Variants in MACF1 observed in about 807,000 individuals in gnomAD.
MACF1 encodes microtubule-actin cross-linking factor 1.
Under a neutral mutation model 854.8 loss-of-function variants are expected in MACF1, and 193 were observed. The ratio of observed to expected loss-of-function variants is 0.23; its 90% confidence interval spans 0.20 to 0.25. The LOEUF is 0.25. MACF1 is among the 10% of genes least tolerant of loss of function. The pLI, the probability that MACF1 is intolerant of heterozygous loss-of-function variation, is 1.00. For missense variants in MACF1, 7,722 were observed against 8,929.1 expected (o/e 0.86, Z 5.45); for synonymous variants, 3,185 against 3,226.7 (o/e 0.99, Z 0.44).
At chr1:39,238,768 C>T (rs868370709) in intron 2 of MACF1, among the ~76,000 whole-genome samples, 24 of 152,158 alleles carry the variant, frequency 1.6e-4, no homozygotes, top group African/African-American at 5.6e-4. Context: ...TCTTCCCAGG[C>T]CCCCAGCCTT....
intron 51 of MACF1, 92 bp from the exon 52 acceptor site, chr1:39,372,387 C>G: frequency 1.5e-6 from 1 of 679,646 alleles, no homozygotes; most frequent in Non-Finnish European, 2.6e-6. Context: ...TAATGCTTTT[C>G]AAAACACTAG....
At chr1:39,324,610 GT>G in intron 34 of MACF1, 35 bp from the exon 35 acceptor site, 1 of 1,532,458 alleles carries the variant, frequency 6.5e-7, no homozygotes, top group Non-Finnish European at 8.9e-7. Context: ...TAATTCTTGG[GT>G]TTTGAAGCTT....
chr1:39,146,197 C>T (rs1298062252), intron 2 of MACF1, among the ~76,000 whole-genome samples: 1 of 152,150 alleles, frequency 6.6e-6, no homozygotes, highest in Non-Finnish European at 1.5e-5. Flanking sequence ...AATCCCAGCA[C>T]TTAGGGAGGC....
intron 97 of MACF1, among the ~76,000 whole-genome samples, chr1:39,471,822 AT>A (rs77628042): frequency 0.16 from 24,212 of 149,890 alleles, 2,366 homozygotes; most frequent in Middle Eastern, 0.22. Context: ...AATAGAACTC[AT>A]TTTTTTTTTC....
intron 58 of MACF1, among the ~76,000 whole-genome samples, chr1:39,404,201 A>G (rs1212875977): frequency 1.3e-5 from 2 of 151,364 alleles, no homozygotes; most frequent in Admixed American, 1.3e-4. Context: ...ATAGAATAAA[A>G]CGGTTTTTTT....
At chr1:39,410,344 T>C in intron 58 of MACF1, 1 of 1,613,850 alleles carries the variant, frequency 6.2e-7, no homozygotes, top group Non-Finnish European at 8.5e-7. Flanking sequence ...GGAGGATGGC[T>C]ACATAGAGGA....
Position 39,333,651 on chromosome 1 carries a change from A to G in MACF1, c.7063A>G (p.Met2355Val), listed in dbSNP as rs1646765114. Residue 2355 changes from methionine to valine, a missense_variant, in exon 37 of 101, where the codon ATG (methionine) becomes GTG (valine). Met to Val is a conservative substitution (Grantham distance 21). Coordinates refer to ENST00000564288, the MANE Select transcript of MACF1 (RefSeq NM_001394062.1). ...TGAAGAAGTCATTAATGAAGGTCTG[A>G]TGGATGAGAAATTATTACATAATGT... ...TTEEVINEGL[M>V]DEKLLHNVLM... is the part of the protein sequence containing the mutation. The G allele has an allele frequency of 6.2e-7, 1 of 1,614,234 alleles. No homozygotes were observed.
At chr1:39,373,296 CAA>C (rs60109104) in intron 52 of MACF1, 21 of 120,226 alleles carry the variant, frequency 1.7e-4, no homozygotes, top group Non-Finnish European at 1.8e-4. Flanking sequence ...GACTCTGTCT[CAA>C]AAAAAAAAAA....
chr1:39,247,219 C>T (rs933052348), intron 2 of MACF1, among the ~76,000 whole-genome samples: 18 of 151,454 alleles, frequency 1.2e-4, no homozygotes, highest in African/African-American at 2.7e-4. Context: ...ACTACAGGCG[C>T]GCGCCACCAT....
intron 29 of MACF1, among the ~76,000 whole-genome samples, chr1:39,318,213 GAC>G (rs1646450086): frequency 6.6e-6 from 1 of 152,126 alleles, no homozygotes; most frequent in Non-Finnish European, 1.5e-5. Flanking sequence ...TGGGATGCTA[GAC>G]CACAAGGCAG....
intron 58 of MACF1, among the ~76,000 whole-genome samples, chr1:39,403,906 A>G (rs1472401089): frequency 1.3e-5 from 2 of 152,052 alleles, no homozygotes; most frequent in Non-Finnish European, 2.9e-5. Flanking sequence ...AGGCGGGCAG[A>G]TCACCTGAGG....
In MACF1 at chr1:39,474,097, A is replaced by G. The variant is rs1270332110; in HGVS notation, c.21958+4482A>G. Among the ~76,000 whole-genome samples the G allele has an allele frequency of 2.6e-5, 4 of 152,138 alleles. No individual in the cohort carries two copies. In the East Asian group the frequency reaches 5.8e-4, roughly 22 times the overall value. Reference sequence around the variant, plus strand: ...AGCAAGACCCCATCTCTGTTTTAAAATAAAATACAGGCCGGGTGCAGCAGC... The same window carrying G: ...AGCAAGACCCCATCTCTGTTTTAAAGTAAAATACAGGCCGGGTGCAGCAGC... On this transcript the variant is annotated intron_variant, in intron 97 of 100. Transcript: ENST00000564288.
At position 39,442,413 on chromosome 1, in the gene MACF1, A is replaced by G. The variant is rs771559704; in HGVS notation, c.18950A>G (p.His6317Arg). 2 of 1,612,896 alleles carry G rather than the reference A, an allele frequency of 1.2e-6. No individual in the cohort carries two copies. Among genetic ancestry groups the G allele is most frequent in the South Asian group, 1.1e-5 (1 of 90,880 alleles). Residue 6317 changes from histidine (H) to arginine (R), a missense_variant and splice_region_variant, in exon 77 of 101, where the codon CAC becomes CGC. This residue lies in a region of MACF1 where 2,807 missense variants were observed against 3,235.8 expected (regional missense o/e 0.87). Transcript: ENST00000564288. ...NLGEKIAHRQ[H>R]KLEGALLALG... ...CCCTTTCTGTCTTTTCCTGAGTAGC[A>G]CAAACTAGAAGGGGCTCTGTTGGCC...
chr1:39,424,649 A>G (rs575222317), intron 61 of MACF1, among the ~76,000 whole-genome samples: 12 of 152,298 alleles, frequency 7.9e-5, no homozygotes, highest in Non-Finnish European at 1.6e-4. Context: ...GTTCTGTTAA[A>G]TATCTGGGAA....
At chr1:39,376,736 G>A (rs1168283883) in intron 52 of MACF1, among the ~76,000 whole-genome samples, 1 of 151,954 alleles carries the variant, frequency 6.6e-6, no homozygotes, top group Non-Finnish European at 1.5e-5. Context: ...TCCTTTTAGA[G>A]ACAGGGTCTC....
At chr1:39,448,440 T>C (rs903379300) in intron 83 of MACF1, among the ~76,000 whole-genome samples, 154 bp from the exon 84 acceptor site, 3 of 152,194 alleles carry the variant, frequency 2.0e-5, no homozygotes, top group African/African-American at 7.2e-5. Flanking sequence ...AATTATAAAT[T>C]TCTTAAGGAT....
intron 40 of MACF1, among the ~76,000 whole-genome samples, chr1:39,341,541 C>T (rs1249374869): frequency 6.6e-6 from 1 of 151,132 alleles, no homozygotes; most frequent in Non-Finnish European, 1.5e-5. Context: ...ATTAAAAATA[C>T]AAAAAAATTA....
At chr1:39,443,306 T>G in intron 78 of MACF1, 140 bp from the exon 79 acceptor site, 1 of 774,814 alleles carries the variant, frequency 1.3e-6, no homozygotes, top group Non-Finnish European at 2.0e-6. Context: ...GGCCCCATGC[T>G]AATCTAGCAA....
chr1:39,370,816 G>A (rs1284336035), intron 51 of MACF1, among the ~76,000 whole-genome samples: 1 of 151,968 alleles, frequency 6.6e-6, no homozygotes, highest in Non-Finnish European at 1.5e-5. Context: ...AGTGCCCATG[G>A]TGTTTTAAGA....
Sources: allele counts gnomAD v4.1 joint callset (sites outside exome capture counted in the v4.1 genomes callset), GRCh38; gene constraint gnomAD v4.1.1; regional missense constraint gnomAD v4.1.1; transcripts MANE v1.5; gene names NCBI Gene and HGNC (gene_info 2026-07-23, HGNC 2026-07-21).